Variants in NOL7 observed in about 807,000 individuals in gnomAD.
NOL7 encodes U3 small nucleolar RNA-associated protein NOL7.
In NOL7, 36 loss-of-function variants were observed where a neutral mutation model predicts 38.4. The observed-to-expected ratio is 0.94, with a 90% CI of 0.72 to 1.24. The LOEUF (loss-of-function observed/expected upper bound fraction) is 1.24. Among genes scored for constraint, NOL7 ranks in the 50% most tolerant of loss-of-function variants. The pLI is 0.00. For synonymous variants in NOL7, 142 were observed against 126.5 expected (o/e 1.12, Z -0.82); for missense variants, 350 against 315.1 (o/e 1.11, Z -0.84).
intron 2 of NOL7, among the ~76,000 whole-genome samples, 172 bp from the exon 3 acceptor site, chr6:13,616,291 G>T (rs1331420637): frequency 1.3e-5 from 2 of 152,160 alleles, no homozygotes; most frequent in Non-Finnish European, 2.9e-5. Context: ...AGAGAATGTG[G>T]AGTTTTGTGG....
chr6:13,620,633 A>G, intron 7 of NOL7, 121 bp from the exon 8 acceptor site: 2 of 958,674 alleles, frequency 2.1e-6, no homozygotes, highest in Non-Finnish European at 1.6e-6. Flanking sequence ...TGTAGTATGT[A>G]TATACATCTA....
In NOL7 at chr6:13,621,626, A is replaced by G. The variant is rs1764448336; in HGVS notation, c.*799A>G. The G allele has an allele frequency of 6.6e-6, 1 of 152,666 alleles. No homozygotes were observed. The highest frequency in any genetic ancestry group is 2.4e-5 in the African/African-American group (1 of 41,470). 9.5% of individuals were successfully genotyped at this position (152,666 alleles called of 1,614,324 possible). A position where few individuals can be genotyped will look rare whatever the true frequency, so the allele number is the denominator to read the frequency against. On this transcript the variant is annotated 3_prime_UTR_variant, in exon 8 of 8. Coordinates refer to ENST00000451315, the MANE Select transcript of NOL7 (RefSeq NM_016167.5). The stretch of plus-strand genomic sequence containing the variant: ...AATTAAGACACGGTAAATTGACTAA[A>G]TATTTGGTTTTTATATAAATAAAGG...
chr6:13,615,783 A>G lies in NOL7; in HGVS notation c.327+11A>G. The G allele has an allele frequency of 2.5e-6, 4 of 1,605,370 alleles. No homozygotes were observed. Among genetic ancestry groups the G allele is most frequent in the Non-Finnish European group, 3.4e-6 (4 of 1,177,152 alleles). On this transcript the variant is annotated intron_variant, in intron 2 of 7. Coordinates refer to ENST00000451315, the MANE Select transcript of NOL7 (RefSeq NM_016167.5). ...TTCATCGAACAGAAGGTTAGAGGCT[A>G]GGGAGGAGGTGTCTTATTAAAACAA...
chr6:13,617,912 G>GT, intron 4 of NOL7, 111 bp downstream of exon 4: 2 of 1,127,274 alleles, frequency 1.8e-6, no homozygotes, highest in African/African-American at 3.1e-5. Flanking sequence ...CCTGGCCAAG[G>GT]TTAGCTGGGG....
intron 8 of NOL7, among the ~76,000 whole-genome samples, chr6:13,630,048 A>T (rs1764735641): frequency 6.6e-6 from 1 of 152,106 alleles, no homozygotes; most frequent in African/African-American, 2.4e-5. Context: ...GAAGTGACAA[A>T]AAGAAGTGGA....
chr6:13,618,539 G>C (rs368299357), intron 5 of NOL7, among the ~76,000 whole-genome samples: 1 of 152,254 alleles, frequency 6.6e-6, no homozygotes, highest in East Asian at 1.9e-4. Flanking sequence ...GAGCCACCGC[G>C]CCCGGCCGGG....
At chr6:13,629,287 T>C (rs1215132832) in intron 8 of NOL7, among the ~76,000 whole-genome samples, 4 of 152,126 alleles carry the variant, frequency 2.6e-5, no homozygotes, top group East Asian at 1.9e-4. Context: ...CGTGTAGTTA[T>C]TTAAAAATAA....
intron 4 of NOL7, 48 bp downstream of exon 4, chr6:13,617,849 A>C: frequency 6.4e-7 from 1 of 1,556,890 alleles, no homozygotes; most frequent in South Asian, 1.1e-5. Context: ...TGTCAAGTGC[A>C]CTTGCAGATG....
intron 3 of NOL7, 33 bp downstream of exon 3, chr6:13,616,554 A>G: frequency 1.4e-6 from 2 of 1,401,828 alleles, no homozygotes; most frequent in Non-Finnish European, 2.0e-6. Context: ...TTACTTGCTT[A>G]TATACACCCA....
chr6:13,620,607 G>C (rs1183229401), intron 7 of NOL7, 122 bp downstream of exon 7: 5 of 1,081,820 alleles, frequency 4.6e-6, no homozygotes, highest in Non-Finnish European at 6.8e-6. Flanking sequence ...TAAGTTACTT[G>C]TGAAAAACAG....
Position 13,620,765 on chromosome 6 carries a change from A to G in NOL7, c.712A>G (p.Lys238Glu). Residue 238 changes from lysine (K) to glutamate (E), a missense_variant, in exon 8 of 8, where the codon AAA becomes GAA. Lys to Glu is a moderately conservative substitution (Grantham distance 56). Coordinates refer to ENST00000451315, the MANE Select transcript of NOL7 (RefSeq NM_016167.5). ...ACTTTATATTCTAGGAATCCAAAAA[A>G]AACAAAATGCCAAGAGGTTTAAAAG... is the stretch of plus-strand genomic sequence containing the variant. Reference protein sequence around the residue: ...FLNNAWGIQKKQNAKRFKRRW... With the variant: ...FLNNAWGIQKEQNAKRFKRRW... 2.5e-6 allele frequency: 4 copies of G among 1,597,056 alleles called. No individual in the cohort carries two copies. The highest frequency in any genetic ancestry group is 3.4e-6 in the Non-Finnish European group (4 of 1,173,362).
intron 4 of NOL7, 104 bp from the exon 5 acceptor site, chr6:13,617,954 T>C: frequency 4.1e-6 from 4 of 967,626 alleles, no homozygotes; most frequent in East Asian, 2.5e-5. Flanking sequence ...AAATAAAAAC[T>C]GCATCCACAT....
chr6:13,627,609 G>A (rs180747699), intron 8 of NOL7, among the ~76,000 whole-genome samples: 3 of 119,984 alleles, frequency 2.5e-5, no homozygotes, highest in East Asian at 2.5e-4. Context: ...CAGCATGGAC[G>A]ACAGAGAGAG....
intron 8 of NOL7, among the ~76,000 whole-genome samples, chr6:13,627,406 G>A (rs904170438): frequency 7.2e-5 from 11 of 152,070 alleles, no homozygotes; most frequent in African/African-American, 1.9e-4. Flanking sequence ...GAGGCAGGCA[G>A]ATCATTTGAG....
At chr6:13,618,687 C>T (rs1016579991) in intron 5 of NOL7, among the ~76,000 whole-genome samples, 1 of 152,190 alleles carries the variant, frequency 6.6e-6, no homozygotes, top group East Asian at 1.9e-4. Context: ...TCCAGAATTT[C>T]AAGACCAGCC....
chr6:13,615,839 G>A (rs1764267085), intron 2 of NOL7, 67 bp downstream of exon 2: 2 of 1,483,312 alleles, frequency 1.3e-6, no homozygotes, highest in African/African-American at 1.4e-5. Flanking sequence ...TATGGTGGAT[G>A]TAATTTGGGT....
At chr6:13,616,642 CT>C in intron 3 of NOL7, 121 bp downstream of exon 3, 1 of 622,540 alleles carries the variant, frequency 1.6e-6, no homozygotes, top group South Asian at 2.5e-5. Flanking sequence ...CAAAAGCTAC[CT>C]TGGTATATGA....
At chr6:13,618,174 G>T (rs1483590584) in intron 5 of NOL7, 35 bp downstream of exon 5, 6 of 1,087,496 alleles carry the variant, frequency 5.5e-6, no homozygotes, top group Non-Finnish European at 1.4e-6. Flanking sequence ...GGATGTAAAG[G>T]AGACCTTTAA....
intron 8 of NOL7, among the ~76,000 whole-genome samples, chr6:13,631,403 A>C (rs537142283): frequency 3.3e-5 from 5 of 152,316 alleles, no homozygotes; most frequent in African/African-American, 1.2e-4. Flanking sequence ...TCAAATGTTA[A>C]AACATTACTA....
Sources: allele counts gnomAD v4.1 joint callset (sites outside exome capture counted in the v4.1 genomes callset), GRCh38; gene constraint gnomAD v4.1.1; transcripts MANE v1.5; gene names NCBI Gene and HGNC (gene_info 2026-07-23, HGNC 2026-07-21).